MACROD2: variants seen among roughly 807,000 people sequenced by gnomAD.
The protein encoded by MACROD2 is mono-ADP ribosylhydrolase 2.
A neutral mutation model predicts 70.4 loss-of-function variants in MACROD2; 36 were observed. The ratio of observed to expected loss-of-function variants is 0.51; its 90% CI spans 0.39 to 0.68. The LOEUF (loss-of-function observed/expected upper bound fraction) is 0.68, where lower values mean the gene tolerates loss of function less well. Among genes scored for constraint, MACROD2 ranks in the 30% least tolerant of loss-of-function variants. The pLI, the probability that MACROD2 is intolerant of heterozygous loss-of-function variation, is 0.00. For synonymous variants in MACROD2, 172 were observed against 178.8 expected, an observed-to-expected ratio of 0.96 and a Z score of 0.30; for missense variants, 496 against 538.4, an observed-to-expected ratio of 0.92 and a Z score of 0.78.
At chr20:15,328,009 A>G (rs761121448) in intron 6 of MACROD2, among the ~76,000 whole-genome samples, 59 of 152,250 alleles carry the variant, frequency 3.9e-4, no homozygotes, top group African/African-American at 1.4e-3. Flanking sequence ...ATAGTATGTT[A>G]AAATTGATAA....
chr20:15,551,987 AT>A (rs2048105574), intron 8 of MACROD2, among the ~76,000 whole-genome samples: 1 of 152,122 alleles, frequency 6.6e-6, no homozygotes, highest in African/African-American at 2.4e-5. Context: ...TCTTCTTCAA[AT>A]TTTTATATGC....
At chr20:15,501,925 C>A (rs991393775) in intron 8 of MACROD2, among the ~76,000 whole-genome samples, 2 of 152,096 alleles carry the variant, frequency 1.3e-5, no homozygotes, top group African/African-American at 4.8e-5. Flanking sequence ...CTCTTCATTG[C>A]AGTATTATTT....
chr20:15,568,312 C>T (rs1316683047), intron 8 of MACROD2, among the ~76,000 whole-genome samples: 1 of 152,178 alleles, frequency 6.6e-6, no homozygotes, highest in Non-Finnish European at 1.5e-5. Flanking sequence ...CATCTGTATA[C>T]AACACATTGT....
At chr20:15,488,696 A>G (rs2047191317) in intron 7 of MACROD2, among the ~76,000 whole-genome samples, 1 of 152,190 alleles carries the variant, frequency 6.6e-6, no homozygotes, top group Non-Finnish European at 1.5e-5. Context: ...CAGAAACTGC[A>G]TTTTCATCTC....
intron 4 of MACROD2, among the ~76,000 whole-genome samples, chr20:14,660,066 A>ATGT (rs1457357878): frequency 6.6e-6 from 1 of 152,172 alleles, no homozygotes; most frequent in Non-Finnish European, 1.5e-5. Context: ...TTCACTCTGT[A>ATGT]TGTTACTTGA....
intron 2 of MACROD2, among the ~76,000 whole-genome samples, chr20:14,014,644 C>T (rs1885669583): frequency 9.6e-6 from 1 of 103,788 alleles, no homozygotes; most frequent in South Asian, 3.5e-4. Flanking sequence ...AATTCACTTG[C>T]CATTTTTTCC....
rs543502675 is a variant in MACROD2 at position 15,793,420 on chromosome 20, T to C, written c.646-69325T>C. Among the ~76,000 whole-genome samples the C allele has an allele frequency of 8.5e-5, 13 of 152,338 alleles. No homozygotes were observed. In the East Asian group the frequency reaches 1.7e-3, roughly 20 times the overall value. On this transcript the variant is annotated intron_variant, in intron 8 of 17. Coordinates refer to ENST00000684519, the MANE Select transcript of MACROD2 (RefSeq NM_001351661.2). The stretch of plus-strand genomic sequence containing the variant: ...GAGGAACTAGGCTTTTCACTTGATA[T>C]CTTCCTGTTCATTTAATTTTTAGAA...
intron 5 of MACROD2, among the ~76,000 whole-genome samples, chr20:15,217,907 T>C (rs1293018003): frequency 6.6e-6 from 1 of 152,150 alleles, no homozygotes; most frequent in African/African-American, 2.4e-5. Context: ...CTAAATAATC[T>C]CGCAGAGGCA....
chr20:14,224,292 CCAT>C (rs1305973027), intron 3 of MACROD2, among the ~76,000 whole-genome samples: 1 of 152,214 alleles, frequency 6.6e-6, no homozygotes, highest in East Asian at 1.9e-4. Context: ...CCTTAAGCCT[CCAT>C]CACTTAGTTC....
chr20:14,631,643 C>A (rs563048059), intron 4 of MACROD2, among the ~76,000 whole-genome samples: 6 of 152,138 alleles, frequency 3.9e-5, no homozygotes, highest in African/African-American at 1.2e-4. Flanking sequence ...GGCATGGTGG[C>A]GGGCGCCTGT....
intron 8 of MACROD2, among the ~76,000 whole-genome samples, chr20:15,739,281 T>TAA (rs1188632563): frequency 6.6e-6 from 1 of 152,200 alleles, no homozygotes. Flanking sequence ...AAACAAACAC[T>TAA]AAGTTAAAGA....
intron 5 of MACROD2, among the ~76,000 whole-genome samples, chr20:14,911,669 G>A (rs952455456): frequency 1.3e-5 from 2 of 151,974 alleles, no homozygotes; most frequent in East Asian, 3.9e-4. Flanking sequence ...CACCAGACCT[G>A]GCCAGGGTTC....
chr20:16,009,715 C>T (rs1169381931), intron 15 of MACROD2, among the ~76,000 whole-genome samples: 8 of 152,058 alleles, frequency 5.3e-5, no homozygotes, highest in African/African-American at 1.9e-4. Context: ...TGAGATCTTG[C>T]CACTGCACTC....
rs1984552952 is a variant in MACROD2 at position 14,632,231 on chromosome 20, A to G, written c.302-52612A>G. 2.6e-5 allele frequency among the ~76,000 whole-genome samples: 4 copies of G among 152,304 alleles called. No homozygotes were observed. In the South Asian group the frequency reaches 8.3e-4, roughly 32 times the overall value. ...GACTGCATAAGGAATAATTCTGGCA[A>G]AAATCAGTCCTTCATTTTCTCTTAA... is the stretch of plus-strand genomic sequence containing the variant. On this transcript the variant is annotated intron_variant, in intron 4 of 17. Coordinates refer to ENST00000684519, the MANE Select transcript of MACROD2 (RefSeq NM_001351661.2).
intron 5 of MACROD2, among the ~76,000 whole-genome samples, chr20:14,871,731 C>A (rs1324444918): frequency 2.0e-5 from 3 of 151,994 alleles, no homozygotes; most frequent in Admixed American, 2.0e-4. Context: ...GAGTGTCAAT[C>A]TGGATAAAGA....
chr20:15,888,914 T>C (rs1015372536), intron 10 of MACROD2, among the ~76,000 whole-genome samples: 1 of 152,118 alleles, frequency 6.6e-6, no homozygotes, highest in Admixed American at 6.6e-5. Context: ...TAAACCAGCC[T>C]CCCAAGGCCT....
intron 4 of MACROD2, chr20:14,547,611 T>G (rs1167990269): frequency 6.5e-6 from 1 of 153,782 alleles, no homozygotes. Context: ...AGCAGAGAGA[T>G]GTCATCCGAG....
intron 4 of MACROD2, among the ~76,000 whole-genome samples, chr20:14,621,505 C>A (rs1252625435): frequency 6.6e-6 from 1 of 152,096 alleles, no homozygotes; most frequent in Non-Finnish European, 1.5e-5. Context: ...CCTCATACAG[C>A]CCTATGTTTC....
intron 4 of MACROD2, among the ~76,000 whole-genome samples, chr20:14,508,257 T>C (rs1022950813): frequency 6.6e-6 from 1 of 152,236 alleles, no homozygotes; most frequent in Non-Finnish European, 1.5e-5. Context: ...ACAGTCAGTC[T>C]GCAAAGATGG....
Sources: gnomAD v4.1 joint callset for allele counts (sites outside exome capture counted in the v4.1 genomes callset) on GRCh38, gnomAD v4.1.1 for gene constraint, MANE v1.5 for transcripts, NCBI Gene and HGNC (gene_info 2026-07-23, HGNC 2026-07-21) for gene names.